Variants in IPCEF1 observed in about 807,000 individuals in gnomAD.
IPCEF1 encodes interactor protein for cytohesin exchange factors 1.
In IPCEF1, 31 loss-of-function variants were observed where a neutral mutation model predicts 50.9. The ratio of observed to expected loss-of-function variants is 0.61; its 90% CI spans 0.46 to 0.82. The LOEUF is 0.82. Among genes scored for constraint, IPCEF1 ranks in the 40% least tolerant of loss-of-function variants. The pLI, the probability that IPCEF1 is intolerant of heterozygous loss-of-function variation, is 0.00. For synonymous variants in IPCEF1, 181 were observed against 192.0 expected (o/e 0.94, Z 0.47); for missense variants, 458 against 514.0 (o/e 0.89, Z 1.05).
intron 1 of IPCEF1, among the ~76,000 whole-genome samples, chr6:154,306,377 T>C (rs1782933280): frequency 6.6e-6 from 1 of 152,070 alleles, no homozygotes; most frequent in Non-Finnish European, 1.5e-5. Flanking sequence ...GTTTGAATTG[T>C]TTGCTTTATT....
intron 3 of IPCEF1, among the ~76,000 whole-genome samples, chr6:154,264,113 C>T (rs9397700): frequency 0.21 from 30,700 of 147,756 alleles, 4,100 homozygotes; most frequent in Admixed American, 0.42. Context: ...CTTATTTATG[C>T]TCCTTGTAAT....
At chr6:154,234,098 T>TGCAGGAAGCTGAG in intron 5 of IPCEF1, among the ~76,000 whole-genome samples, 1 of 152,254 alleles carries the variant, frequency 6.6e-6, no homozygotes, top group Non-Finnish European at 1.5e-5. Flanking sequence ...GCCTCAATTA[T>TGCAGGAAGCTGAG]GCAGGAAGCT....
chr6:154,307,277 G>A (rs748131420), intron 1 of IPCEF1, among the ~76,000 whole-genome samples: 2 of 152,042 alleles, frequency 1.3e-5, no homozygotes, highest in Non-Finnish European at 1.5e-5. Context: ...TAGTGAATGG[G>A]TCTCATGAGA....
Position 154,265,942 on chromosome 6 carries a change from T to C in IPCEF1, c.6A>G (p.Thr2=), listed in dbSNP as rs1443963322. 1 of 1,602,000 alleles carries C rather than the reference T, an allele frequency of 6.2e-7. No individual in the cohort carries two copies. Among genetic ancestry groups the C allele is most frequent in the Admixed American group, 1.7e-5 (1 of 58,448 alleles). Residue 2 remains threonine (T), a synonymous_variant, in exon 3 of 12, where the codon ACA becomes ACG. Transcript: ENST00000367220. The part of the protein sequence containing the change: M[T]SYMAIDGSAL... The stretch of plus-strand genomic sequence containing the variant: ...CACTGCCATCAATAGCCATGTATGA[T>C]GTCATCTTAGTAGAAACAAAAGCTA...
chr6:154,238,243 G>A (rs1016281229), intron 5 of IPCEF1, among the ~76,000 whole-genome samples: 3 of 152,042 alleles, frequency 2.0e-5, no homozygotes, highest in African/African-American at 7.2e-5. Context: ...TGCCATGGTG[G>A]TAGGAACCTT....
chr6:154,237,270 CAT>C (rs1194630949), intron 5 of IPCEF1, among the ~76,000 whole-genome samples: 1 of 152,240 alleles, frequency 6.6e-6, no homozygotes, highest in Non-Finnish European at 1.5e-5. Flanking sequence ...ACCATTAACT[CAT>C]GTGTTAACTG....
intron 1 of IPCEF1, among the ~76,000 whole-genome samples, chr6:154,345,351 T>C (rs530604099): frequency 5.8e-4 from 89 of 152,348 alleles, no homozygotes; most frequent in Non-Finnish European, 1.1e-3. Flanking sequence ...ACAGAAATTC[T>C]AGGCTTAAGA....
intron 5 of IPCEF1, among the ~76,000 whole-genome samples, chr6:154,237,059 G>C (rs139923922): frequency 8.5e-4 from 129 of 152,306 alleles, no homozygotes; most frequent in Middle Eastern, 3.4e-3. Flanking sequence ...AAACACAGCA[G>C]CACAGTGACA....
intron 1 of IPCEF1, among the ~76,000 whole-genome samples, chr6:154,344,627 G>C (rs570263992): frequency 6.6e-6 from 1 of 152,118 alleles, no homozygotes; most frequent in Non-Finnish European, 1.5e-5. Flanking sequence ...TCAATATGCC[G>C]GAGCACGAAT....
At chr6:154,313,968 A>G (rs1184001047) in intron 1 of IPCEF1, among the ~76,000 whole-genome samples, 1 of 151,838 alleles carries the variant, frequency 6.6e-6, no homozygotes, top group African/African-American at 2.4e-5. Flanking sequence ...GGCTGGTCTC[A>G]AACTCCTGGC....
chr6:154,165,804 C>T (rs987404665), intron 11 of IPCEF1, among the ~76,000 whole-genome samples: 11 of 152,252 alleles, frequency 7.2e-5, no homozygotes, highest in Non-Finnish European at 1.2e-4. Flanking sequence ...CACTCACTCA[C>T]TCTCACTGTG....
intron 10 of IPCEF1, among the ~76,000 whole-genome samples, chr6:154,180,414 A>ATTTTTT (rs761333730): frequency 2.0e-3 from 129 of 65,222 alleles, no homozygotes; most frequent in African/African-American, 3.8e-3. Flanking sequence ...ATATATATAT[A>ATTTTTT]TTTTTTTTTT....
intron 1 of IPCEF1, among the ~76,000 whole-genome samples, chr6:154,330,243 C>A (rs1037990825): frequency 8.6e-5 from 13 of 151,846 alleles, no homozygotes; most frequent in Admixed American, 3.9e-4. Flanking sequence ...AGTACACTCC[C>A]CTGAAAGAAA....
At position 154,329,249 on chromosome 6, in the gene IPCEF1, G is replaced by T. The variant is rs143724680; in HGVS notation, c.-62+27423C>A. On this transcript the variant is annotated intron_variant, in intron 1 of 11. Coordinates refer to ENST00000367220, the MANE Select transcript of IPCEF1 (RefSeq NM_001130700.2). ...CAACATGGCAAGACCCTGTCTCTAA[G>T]AATTTTTTTTTTAATCAGCTGAGAG... Among the ~76,000 whole-genome samples the T allele has an allele frequency of 3.7e-3, 558 of 152,112 alleles. 3 individuals are homozygous for T. Among genetic ancestry groups the T allele is most frequent in the African/African-American group, 0.013 (532 of 41,478 alleles).
chr6:154,330,524 C>A lies in IPCEF1; in HGVS notation c.-62+26148G>T, dbSNP rs772663553. Among the ~76,000 whole-genome samples the A allele has an allele frequency of 2.0e-4, 30 of 151,882 alleles. 1 individual carries two copies. Among genetic ancestry groups the A allele is most frequent in the Admixed American group, 2.0e-3 (30 of 15,238 alleles). On this transcript the variant is annotated intron_variant, in intron 1 of 11. Transcript: ENST00000367220. ...TATGATCGGTAGAGATAAGGTCTTA[C>A]TATGTTGCCCAGGCTGGTCTAAGTC...
At chr6:154,293,018 A>C (rs1166504738) in intron 1 of IPCEF1, among the ~76,000 whole-genome samples, 1 of 152,238 alleles carries the variant, frequency 6.6e-6, no homozygotes, top group Admixed American at 6.5e-5. Context: ...ATGTTTACAA[A>C]AACTTTCCAG....
intron 3 of IPCEF1, among the ~76,000 whole-genome samples, chr6:154,253,897 A>T (rs1224765500): frequency 6.6e-6 from 1 of 152,040 alleles, no homozygotes. Flanking sequence ...TTTTTAAAAA[A>T]ATTACTGTTA....
At chr6:154,161,579 C>A (rs920662437) in intron 11 of IPCEF1, among the ~76,000 whole-genome samples, 2 of 152,172 alleles carry the variant, frequency 1.3e-5, no homozygotes, top group Non-Finnish European at 2.9e-5. Flanking sequence ...ACCTTCCCTG[C>A]ACTCCCAAAA....
chr6:154,306,347 T>C (rs1318608268), intron 1 of IPCEF1, among the ~76,000 whole-genome samples: 3 of 147,032 alleles, frequency 2.0e-5, no homozygotes, highest in Non-Finnish European at 4.4e-5. Flanking sequence ...AGCACAATCC[T>C]TTCATTTCTT....
Sources: gnomAD v4.1 joint callset for allele counts (sites outside exome capture counted in the v4.1 genomes callset) on GRCh38, gnomAD v4.1.1 for gene constraint, MANE v1.5 for transcripts, NCBI Gene and HGNC (gene_info 2026-07-23, HGNC 2026-07-21) for gene names.